TMEM245: variants seen among roughly 807,000 people sequenced by gnomAD.
TMEM245 encodes protein CG-2.
In TMEM245, 69 loss-of-function variants were observed where a neutral mutation model predicts 101.2. The observed-to-expected ratio is 0.68, with a 90% CI of 0.56 to 0.83. The LOEUF (loss-of-function observed/expected upper bound fraction) is 0.83. Ranked by LOEUF, TMEM245 falls within the 40% of genes least tolerant of loss-of-function variation. The pLI is 0.00. For missense variants in TMEM245, 1,075 were observed against 1,092.8 expected (o/e 0.98, Z 0.23); for synonymous variants, 537 against 449.8 (o/e 1.19, Z -2.45).
Position 109,017,063 on chromosome 9 carries a change from C to T in TMEM245, c.*3397G>A, listed in dbSNP as rs1827468194. On this transcript the variant is annotated 3_prime_UTR_variant, in exon 18 of 18. Transcript: ENST00000374586. ...TTGCTTGACCAGTAGTGACACATTCCTGAGGCACTAATATAACCCAAATGG... is the reference window on the plus strand; with the variant it reads ...TTGCTTGACCAGTAGTGACACATTCTTGAGGCACTAATATAACCCAAATGG... 6.6e-6 allele frequency: 1 copy of T among 152,152 alleles called. No homozygotes were observed. Among genetic ancestry groups the T allele is most frequent in the Admixed American group, 6.5e-5 (1 of 15,276 alleles). The allele number at this position is 152,152 out of a possible 1,614,324, so 9.4% of individuals were successfully genotyped here.
chr9:109,037,858 T>G (rs949621542), intron 15 of TMEM245, among the ~76,000 whole-genome samples, 159 bp downstream of exon 15: 1 of 152,196 alleles, frequency 6.6e-6, no homozygotes, highest in Non-Finnish European at 1.5e-5. Flanking sequence ...AACAAACACA[T>G]TACAAATCAT....
intron 1 of TMEM245, 26 bp downstream of exon 1, chr9:109,119,309 A>T: frequency 6.6e-7 from 1 of 1,515,962 alleles, no homozygotes; most frequent in Middle Eastern, 2.3e-4. Flanking sequence ...CGGGCGGGGG[A>T]CGGGGGCGGA....
intron 3 of TMEM245, among the ~76,000 whole-genome samples, chr9:109,096,737 G>C (rs547610229): frequency 2.0e-5 from 3 of 152,316 alleles, no homozygotes; most frequent in Admixed American, 1.3e-4. Flanking sequence ...TAAGATTACA[G>C]ACTAGTCAAG....
chr9:109,071,191 CTTATT>C (rs1243428781), intron 9 of TMEM245, among the ~76,000 whole-genome samples: 1 of 152,090 alleles, frequency 6.6e-6, no homozygotes, highest in Non-Finnish European at 1.5e-5. Flanking sequence ...GGCCAACATA[CTTATT>C]TTGAGAGTCA....
chr9:109,103,536 G>A (rs565631700), intron 3 of TMEM245, among the ~76,000 whole-genome samples: 1 of 152,126 alleles, frequency 6.6e-6, no homozygotes, highest in African/African-American at 2.4e-5. Flanking sequence ...ACACAATGGA[G>A]TACTATTCCG....
chr9:109,032,084 G>T (rs148169310), intron 17 of TMEM245, among the ~76,000 whole-genome samples: 52 of 152,126 alleles, frequency 3.4e-4, no homozygotes, highest in African/African-American at 1.2e-3. Flanking sequence ...CAGTTCTGGC[G>T]GAACTGCTTG....
chr9:109,095,751 C>T (rs1830123415), intron 3 of TMEM245, among the ~76,000 whole-genome samples: 1 of 152,180 alleles, frequency 6.6e-6, no homozygotes, highest in Non-Finnish European at 1.5e-5. Context: ...TCCCCTGACA[C>T]AAGATACAGA....
chr9:109,049,095 T>C (rs1220307304), intron 14 of TMEM245, among the ~76,000 whole-genome samples: 2 of 152,196 alleles, frequency 1.3e-5, no homozygotes, highest in East Asian at 3.9e-4. Context: ...CTTAAGCAAG[T>C]GACATGATGC....
At chr9:109,087,097 A>C in intron 6 of TMEM245, 76 bp downstream of exon 6, 1 of 1,307,390 alleles carries the variant, frequency 7.6e-7, no homozygotes, top group South Asian at 1.7e-5. Context: ...CAATATAAAC[A>C]CCATAGAATG....
At position 109,076,752 on chromosome 9, in the gene TMEM245, G is replaced by A. The variant is rs556327980; in HGVS notation, c.1450-3314C>T. ...GTCACCCAGCCTGGACTGCAGTGGT[G>A]CAATCACGGCTCACTACAGTCTCCA... On this transcript the variant is annotated intron_variant, in intron 8 of 17. Transcript: ENST00000374586. 2.4e-3 allele frequency among the ~76,000 whole-genome samples: 361 copies of A among 152,184 alleles called. 1 individual carries two copies. The highest frequency in any genetic ancestry group is 6.8e-3 in the Middle Eastern group (2 of 292).
At chr9:109,031,987 T>G (rs1031555054) in intron 17 of TMEM245, among the ~76,000 whole-genome samples, 1 of 152,340 alleles carries the variant, frequency 6.6e-6, no homozygotes, top group East Asian at 1.9e-4. Flanking sequence ...AAAATTGAAA[T>G]GCCGGTACAA....
chr9:109,087,703 C>A (rs1829882779), intron 5 of TMEM245, among the ~76,000 whole-genome samples: 1 of 152,196 alleles, frequency 6.6e-6, no homozygotes, highest in African/African-American at 2.4e-5. Context: ...ATAATACAAA[C>A]CCCTGACATT....
intron 7 of TMEM245, among the ~76,000 whole-genome samples, chr9:109,083,899 T>TAAAAAAAA (rs1829745048): frequency 3.0e-3 from 6 of 2,010 alleles, no homozygotes; most frequent in Non-Finnish European, 5.6e-3. Flanking sequence ...CTACTAAAAA[T>TAAAAAAAA]ACAAAAAAAA....
rs1364588404 is a variant in TMEM245, at chr9:109,016,807, G to C, written c.*3653C>G. On this transcript the variant is annotated 3_prime_UTR_variant, in exon 18 of 18. Transcript: ENST00000374586. Reference sequence around the variant, plus strand: ...TAGCATTTGGAAGTAATGCTAGCCAGAGGCTATTTCCACTGTGAAATGCAC... The same window carrying C: ...TAGCATTTGGAAGTAATGCTAGCCACAGGCTATTTCCACTGTGAAATGCAC... The C allele has an allele frequency of 1.3e-5, 2 of 152,102 alleles. No homozygotes were observed. The highest frequency in any genetic ancestry group is 2.9e-5 in the Non-Finnish European group (2 of 68,012). 9.4% of individuals were successfully genotyped at this position (152,102 alleles called of 1,614,324 possible). A position where few individuals can be genotyped will look rare whatever the true frequency, so the allele number is the denominator to read the frequency against.
intron 10 of TMEM245, among the ~76,000 whole-genome samples, chr9:109,062,979 A>G (rs895963173): frequency 1.6e-4 from 15 of 92,738 alleles, no homozygotes; most frequent in African/African-American, 6.7e-4. Flanking sequence ...CCACAAAAAG[A>G]AAAAAAAAAC....
intron 7 of TMEM245, among the ~76,000 whole-genome samples, chr9:109,084,380 C>A (rs181819697): frequency 5.9e-4 from 90 of 152,104 alleles, no homozygotes; most frequent in African/African-American, 2.1e-3. Flanking sequence ...ATGGAATCAT[C>A]AAAGGAAAGA....
At chr9:109,101,701 T>C (rs1469818665) in intron 3 of TMEM245, among the ~76,000 whole-genome samples, 1 of 152,230 alleles carries the variant, frequency 6.6e-6, no homozygotes, top group Non-Finnish European at 1.5e-5. Context: ...TCAACATTTA[T>C]TCTGTGTGTC....
At position 109,088,545 on chromosome 9, in the gene TMEM245, C is replaced by T. The variant is rs1013558689; in HGVS notation, c.1151-1203G>A. On this transcript the variant is annotated intron_variant, in intron 5 of 17. Transcript: ENST00000374586. ...CATCTGGAAAAAAAAAAGTATGGAA[C>T]AGGGCCGGGCACAGTGGCTCAACGC... Among the ~76,000 whole-genome samples, 4 of 151,894 alleles carry T rather than the reference C, an allele frequency of 2.6e-5. No individual in the cohort carries two copies. In the East Asian group the frequency reaches 7.7e-4, roughly 29 times the overall value.
chr9:109,092,112 C>A (rs931985460), intron 4 of TMEM245, among the ~76,000 whole-genome samples: 5 of 152,144 alleles, frequency 3.3e-5, no homozygotes, highest in Admixed American at 1.3e-4. Context: ...TCTACTTATC[C>A]TTTCTCATTC....
Sources: gnomAD v4.1 joint callset for allele counts (sites outside exome capture counted in the v4.1 genomes callset) on GRCh38, gnomAD v4.1.1 for gene constraint, MANE v1.5 for transcripts, NCBI Gene and HGNC (gene_info 2026-07-23, HGNC 2026-07-21) for gene names.